The following DNM3 variants were observed in gnomAD, a reference collection of about 807,000 sequenced individuals.
DNM3 encodes dynamin 3.
Under a neutral mutation model 101.6 loss-of-function variants are expected in DNM3, and 47 were observed. That is an observed-to-expected ratio of 0.46 (90% CI 0.37 to 0.59). DNM3 has a LOEUF of 0.59. Ranked by LOEUF, DNM3 falls within the 20% of genes least tolerant of loss-of-function variation. The pLI is 0.00. For synonymous variants in DNM3, 385 were observed against 387.9 expected (o/e 0.99, Z 0.09); for missense variants, 849 against 1,085.7 (o/e 0.78, Z 3.06).
chr1:172,390,798 G>A (rs2069481774), intron 20 of DNM3, among the ~76,000 whole-genome samples: 1 of 152,222 alleles, frequency 6.6e-6, no homozygotes, highest in African/African-American at 2.4e-5. Context: ...AGAGTTGAGA[G>A]TGGGAAGGCT....
intron 13 of DNM3, among the ~76,000 whole-genome samples, chr1:172,116,317 C>T (rs1379476924): frequency 6.6e-6 from 1 of 152,198 alleles, no homozygotes; most frequent in African/African-American, 2.4e-5. Flanking sequence ...AAAGAGACCC[C>T]ACAGGAGGTT....
intron 15 of DNM3, among the ~76,000 whole-genome samples, chr1:172,262,370 G>T (rs966606216): frequency 8.5e-5 from 13 of 152,282 alleles, no homozygotes; most frequent in African/African-American, 3.1e-4. Flanking sequence ...TGGGGTGGGG[G>T]CTGTGCTCTC....
chr1:172,263,102 G>A (rs1159685514), intron 15 of DNM3, among the ~76,000 whole-genome samples: 1 of 152,042 alleles, frequency 6.6e-6, no homozygotes, highest in Non-Finnish European at 1.5e-5. Flanking sequence ...GAAATGAAGT[G>A]GCCTTTCATT....
chr1:172,393,602 T>C (rs1360921654), intron 20 of DNM3: 1 of 107,136 alleles, frequency 9.3e-6, no homozygotes, highest in Non-Finnish European at 2.3e-5. Flanking sequence ...AACAGCCCTC[T>C]AAAAGTCTGA....
chr1:172,018,123 A>T (rs1039431891), intron 4 of DNM3, among the ~76,000 whole-genome samples: 3 of 152,092 alleles, frequency 2.0e-5, no homozygotes, highest in Non-Finnish European at 4.4e-5. Flanking sequence ...GATAATATAT[A>T]GTTGTATCTT....
At chr1:171,993,683 C>G (rs1322368222) in intron 4 of DNM3, among the ~76,000 whole-genome samples, 1 of 151,960 alleles carries the variant, frequency 6.6e-6, no homozygotes, top group Non-Finnish European at 1.5e-5. Flanking sequence ...TTTCTCTCCT[C>G]TTCTCTTTCT....
At chr1:172,141,389 G>A (rs2057571629) in intron 14 of DNM3, among the ~76,000 whole-genome samples, 1 of 151,970 alleles carries the variant, frequency 6.6e-6, no homozygotes, top group African/African-American at 2.4e-5. Context: ...TCTGAGTGAT[G>A]GTCTCTTAGT....
At position 172,411,863 on chromosome 1, in the gene DNM3, T is replaced by C. The variant is rs1229640058; in HGVS notation, c.*4022T>C. The C allele has an allele frequency of 2.0e-6, 2 of 985,666 alleles. No individual in the cohort carries two copies. The highest frequency in any genetic ancestry group is 2.4e-6 in the Non-Finnish European group (2 of 829,884). The allele number at this position is 985,666 out of a possible 1,614,324, so 61.1% of individuals were successfully genotyped here. ...GTTTAATGTAAATGAATCTAGATGA[T>C]TTTGAAGAAATGATTATTCGTTCAC... On this transcript the variant is annotated 3_prime_UTR_variant, in exon 21 of 21. Coordinates refer to ENST00000627582, the MANE Select transcript of DNM3 (RefSeq NM_015569.5).
downstream of DNM3, among the ~76,000 whole-genome samples, chr1:172,414,671 T>C (rs1054985090): frequency 2.0e-5 from 3 of 151,248 alleles, no homozygotes; most frequent in Non-Finnish European, 1.5e-5. Flanking sequence ...TCAAATGTAC[T>C]ACTCAGGAGG....
chr1:172,039,459 GT>G lies in DNM3; in HGVS notation c.992+1010del, dbSNP rs769961495. On this transcript the variant is annotated intron_variant, in intron 7 of 20. Transcript: ENST00000627582. ...TTAAAAATATTATACAAAGGAAAGA[GT>G]TTTTTTTTTTTCAGATATAACTCTT... is the stretch of plus-strand genomic sequence containing the variant. 6.7e-3 allele frequency among the ~76,000 whole-genome samples: 970 copies of G among 144,634 alleles called. 5 individuals are homozygous for G. Among genetic ancestry groups the G allele is most frequent in the Non-Finnish European group, 9.4e-3 (615 of 65,460 alleles). 94.9% of individuals were successfully genotyped at this position (144,634 alleles called of 152,430 possible).
intron 6 of DNM3, among the ~76,000 whole-genome samples, chr1:172,037,677 T>C (rs1341816340): frequency 6.6e-6 from 1 of 152,136 alleles, no homozygotes; most frequent in Non-Finnish European, 1.5e-5. Context: ...GAGCTTGAGG[T>C]GCCTGCTGAT....
chr1:172,392,209 C>G (rs1351868472), intron 20 of DNM3, among the ~76,000 whole-genome samples: 1 of 152,150 alleles, frequency 6.6e-6, no homozygotes, highest in East Asian at 1.9e-4. Flanking sequence ...AAACTACATG[C>G]CTGTTTTAAT....
At chr1:172,231,422 TC>T (rs2061332437) in intron 14 of DNM3, among the ~76,000 whole-genome samples, 1 of 151,978 alleles carries the variant, frequency 6.6e-6, no homozygotes, top group African/African-American at 2.4e-5. Flanking sequence ...AGAAAGGACA[TC>T]CACACCAAAA....
chr1:172,258,173 T>A (rs904155820), intron 15 of DNM3, among the ~76,000 whole-genome samples: 1 of 152,136 alleles, frequency 6.6e-6, no homozygotes, highest in African/African-American at 2.4e-5. Flanking sequence ...CTTTTCTTTA[T>A]CTATTCATCC....
intron 1 of DNM3, among the ~76,000 whole-genome samples, chr1:171,903,226 G>A (rs1009668568): frequency 2.6e-5 from 4 of 151,866 alleles, no homozygotes; most frequent in African/African-American, 9.7e-5. Flanking sequence ...AGAAGCATAA[G>A]GAAAAATTCT....
At chr1:172,252,691 G>T (rs957618977) in intron 14 of DNM3, among the ~76,000 whole-genome samples, 2 of 151,990 alleles carry the variant, frequency 1.3e-5, no homozygotes, top group African/African-American at 4.8e-5. Context: ...TTGAGTATTT[G>T]GCTCTCTCCT....
At chr1:172,033,355 T>C in intron 6 of DNM3, 90 bp downstream of exon 6, 3 of 1,392,714 alleles carry the variant, frequency 2.2e-6, no homozygotes, top group Non-Finnish European at 2.9e-6. Context: ...GTTTATTTTT[T>C]TTTCCAAAAC....
rs2068753808 is a variant in DNM3, at chr1:172,379,002, T to C, written c.1894-16T>C. The C allele has an allele frequency of 6.2e-7, 1 of 1,604,906 alleles. No homozygotes were observed. The highest frequency in any genetic ancestry group is 1.1e-5 in the South Asian group (1 of 89,556). On this transcript the variant is annotated splice_polypyrimidine_tract_variant and intron_variant, in intron 17 of 20. Coordinates refer to ENST00000627582, the MANE Select transcript of DNM3 (RefSeq NM_015569.5). ...TGAATATGAGATAATCCATGGTTTGTTTTCTCTTCTTTTAGGCTGAAAATG... is the reference window on the plus strand; with the variant it reads ...TGAATATGAGATAATCCATGGTTTGCTTTCTCTTCTTTTAGGCTGAAAATG...
chr1:172,088,297 G>A (rs1193777555), intron 12 of DNM3, among the ~76,000 whole-genome samples: 1 of 152,164 alleles, frequency 6.6e-6, no homozygotes, highest in Non-Finnish European at 1.5e-5. Context: ...CATAATTCAG[G>A]CATGATGCTT....
Sources: allele counts gnomAD v4.1 joint callset (sites outside exome capture counted in the v4.1 genomes callset), GRCh38; gene constraint gnomAD v4.1.1; transcripts MANE v1.5; gene names NCBI Gene and HGNC (gene_info 2026-07-23, HGNC 2026-07-21).